Variants in DGKI observed in about 807,000 individuals in gnomAD.
The protein encoded by DGKI is diacylglycerol kinase iota.
A neutral mutation model predicts 147.5 loss-of-function variants in DGKI; 55 were observed. That is an observed-to-expected ratio of 0.37 (90% CI 0.30 to 0.47). The LOEUF is 0.47. Among genes scored for constraint, DGKI ranks in the 20% least tolerant of loss-of-function variants. DGKI has a pLI of 1.00. For missense variants in DGKI, 1,007 were observed against 1,323.8 expected, an observed-to-expected ratio of 0.76 and a Z score of 3.71; for synonymous variants, 469 against 477.1, an observed-to-expected ratio of 0.98 and a Z score of 0.22.
intron 28 of DGKI, among the ~76,000 whole-genome samples, chr7:137,422,383 A>G (rs1647193): frequency 0.53 from 80,018 of 151,970 alleles, 22,324 homozygotes; most frequent in Non-Finnish European, 0.63. Flanking sequence ...AATTAATATC[A>G]TCACCTTTGG....
At position 137,388,474 on chromosome 7, in the gene DGKI, T is replaced by C. The variant is rs1585066182; in HGVS notation, c.*2746A>G. The C allele has an allele frequency of 6.6e-6, 1 of 152,156 alleles. No individual in the cohort carries two copies. Among genetic ancestry groups the C allele is most frequent in the African/African-American group, 2.4e-5 (1 of 41,430 alleles). 9.4% of individuals were successfully genotyped at this position (152,156 alleles called of 1,614,324 possible). ...GTCTCAGTAGGCTTTGTAGAAATGA[T>C]ATTTCTATAGGTACATATTTTTATG... On this transcript the variant is annotated 3_prime_UTR_variant, in exon 33 of 33. Transcript: ENST00000614521.
At position 137,552,456 on chromosome 7, in the gene DGKI, G is replaced by A. The variant is rs1247736235; in HGVS notation, c.2060C>T (p.Ala687Val). The A allele has an allele frequency of 6.2e-7, 1 of 1,614,164 alleles. No homozygotes were observed. Among genetic ancestry groups the A allele is most frequent in the Non-Finnish European group, 8.5e-7 (1 of 1,180,042 alleles). ...MQVDGEPCRL[A>V]PAMIRISLRN... Reference sequence around the variant, plus strand: ...CAGGGAGATCCGAATCATAGCTGGGGCCAACCTACAGGGCTCCCCATCCAC... The same window carrying A: ...CAGGGAGATCCGAATCATAGCTGGGACCAACCTACAGGGCTCCCCATCCAC... The change falls in exon 20 of 33, where the codon GCC (alanine) becomes GTC (valine). Residue 687 changes from alanine (A) to valine (V), a missense_variant. Ala to Val is a moderately conservative substitution (Grantham distance 64, BLOSUM62 0). Around this residue, in one of 5 missense-constraint regions of DGKI, gnomAD observed 224 missense variants for 382.7 expected, o/e 0.59. Coordinates refer to ENST00000614521, the MANE Select transcript of DGKI (RefSeq NM_001321708.2).
chr7:137,656,362 TA>T, intron 4 of DGKI, 103 bp downstream of exon 4: 1 of 1,198,522 alleles, frequency 8.3e-7, no homozygotes. Flanking sequence ...AGCTTTTTTT[TA>T]AGGGCATTGT....
chr7:137,473,650 C>G (rs994105966), intron 23 of DGKI, among the ~76,000 whole-genome samples: 10 of 152,192 alleles, frequency 6.6e-5, no homozygotes, highest in African/African-American at 2.4e-4. Flanking sequence ...CAACAAACAA[C>G]AAAAGCTCTC....
chr7:137,502,215 T>C (rs1413234921), intron 21 of DGKI, among the ~76,000 whole-genome samples: 3 of 152,234 alleles, frequency 2.0e-5, no homozygotes, highest in South Asian at 2.1e-4. Flanking sequence ...GGAAGTAGCA[T>C]TGAGAGAAGG....
At chr7:137,608,243 G>A (rs1327928328) in intron 10 of DGKI, among the ~76,000 whole-genome samples, 1 of 152,226 alleles carries the variant, frequency 6.6e-6, no homozygotes. Context: ...AAACTCAGAA[G>A]AAAATAACAG....
chr7:137,409,740 T>C (rs1008312617), intron 29 of DGKI, among the ~76,000 whole-genome samples: 2 of 152,220 alleles, frequency 1.3e-5, no homozygotes, highest in African/African-American at 2.4e-5. Flanking sequence ...CCTGCCTTCC[T>C]GTGCTGTTTC....
intron 19 of DGKI, 79 bp downstream of exon 19, chr7:137,571,096 G>A: frequency 5.7e-6 from 6 of 1,055,820 alleles, no homozygotes; most frequent in Non-Finnish European, 6.7e-6. Context: ...AGGAGAAAAA[G>A]TTAACTAAAG....
intron 1 of DGKI, among the ~76,000 whole-genome samples, chr7:137,744,959 G>A (rs1047471976): frequency 2.6e-5 from 4 of 152,118 alleles, no homozygotes; most frequent in African/African-American, 7.2e-5. Flanking sequence ...AAAGTTGGAA[G>A]CATTCCCCCT....
At chr7:137,426,680 G>T (rs1030059889) in intron 28 of DGKI, among the ~76,000 whole-genome samples, 14 of 151,808 alleles carry the variant, frequency 9.2e-5, no homozygotes, top group African/African-American at 2.9e-4. Context: ...ACACACACAG[G>T]CTCAAAATAA....
chr7:137,519,069 A>G (rs185445304), intron 21 of DGKI, among the ~76,000 whole-genome samples: 2 of 152,060 alleles, frequency 1.3e-5, no homozygotes, highest in East Asian at 1.9e-4. Context: ...AGTGTCTTAC[A>G]TAAGTCTGAA....
At chr7:137,726,229 G>C (rs10262883) in intron 1 of DGKI, among the ~76,000 whole-genome samples, 34,849 of 151,990 alleles carry the variant, frequency 0.23, 7,580 homozygotes, top group African/African-American at 0.56. Flanking sequence ...AATCAATGAT[G>C]AATGAATGCA....
At chr7:137,670,750 T>C (rs986521478) in intron 3 of DGKI, among the ~76,000 whole-genome samples, 3 of 152,204 alleles carry the variant, frequency 2.0e-5, no homozygotes, top group African/African-American at 4.8e-5. Flanking sequence ...CTGGGCTTTA[T>C]TGCCACACAC....
chr7:137,503,552 G>C (rs1816258026), intron 21 of DGKI, among the ~76,000 whole-genome samples: 1 of 152,162 alleles, frequency 6.6e-6, no homozygotes, highest in Non-Finnish European at 1.5e-5. Context: ...TTAGTTTTCA[G>C]TCTGGCTAGC....
At chr7:137,462,076 T>C (rs972011927) in intron 27 of DGKI, among the ~76,000 whole-genome samples, 2 of 150,822 alleles carry the variant, frequency 1.3e-5, no homozygotes, top group African/African-American at 5.0e-5. Flanking sequence ...ATTGAGCTCA[T>C]ATTCTGCTTT....
At chr7:137,509,951 GA>G (rs200541906) in intron 21 of DGKI, among the ~76,000 whole-genome samples, 6 of 151,034 alleles carry the variant, frequency 4.0e-5, no homozygotes, top group African/African-American at 9.7e-5. Flanking sequence ...ATCCCAGGGA[GA>G]AAAAAAAAGG....
At chr7:137,669,120 G>T (rs1207340445) in intron 3 of DGKI, among the ~76,000 whole-genome samples, 1 of 152,168 alleles carries the variant, frequency 6.6e-6, no homozygotes, top group African/African-American at 2.4e-5. Flanking sequence ...TCAAAACCAG[G>T]TCATCTGATT....
intron 17 of DGKI, among the ~76,000 whole-genome samples, chr7:137,576,949 A>G (rs1338427570): frequency 6.6e-6 from 1 of 152,166 alleles, no homozygotes; most frequent in African/African-American, 2.4e-5. Context: ...CGGTTGAATA[A>G]CAGTTTTATT....
chr7:137,499,056 A>C (rs988278237), intron 21 of DGKI, among the ~76,000 whole-genome samples: 1 of 152,180 alleles, frequency 6.6e-6, no homozygotes, highest in Non-Finnish European at 1.5e-5. Context: ...TTTCTTGGGA[A>C]ACTTAAGCTA....
Sources: allele counts gnomAD v4.1 joint callset (sites outside exome capture counted in the v4.1 genomes callset), GRCh38; gene constraint gnomAD v4.1.1; regional missense constraint gnomAD v4.1.1; transcripts MANE v1.5; gene names NCBI Gene and HGNC (gene_info 2026-07-23, HGNC 2026-07-21).